Variants in SLC25A13 observed in about 807,000 individuals in gnomAD.
SLC25A13 encodes the protein electrogenic aspartate/glutamate antiporter SLC25A13, mitochondrial.
SLC25A13 carries 70 observed loss-of-function variants against 85.5 expected under a neutral mutation model. The ratio of observed to expected loss-of-function variants is 0.82; its 90% confidence interval spans 0.68 to 1.00. The LOEUF (loss-of-function observed/expected upper bound fraction) is 1.00. Among genes scored for constraint, SLC25A13 ranks in the 50% least tolerant of loss-of-function variants. SLC25A13 has a pLI of 0.00. For missense variants in SLC25A13, 765 were observed against 819.8 expected, an observed-to-expected ratio of 0.93 and a Z score of 0.82; for synonymous variants, 259 against 288.7, an observed-to-expected ratio of 0.90 and a Z score of 1.04.
At chr7:96,290,993 A>G (rs999421738) in intron 2 of SLC25A13, among the ~76,000 whole-genome samples, 7 of 152,212 alleles carry the variant, frequency 4.6e-5, no homozygotes, top group African/African-American at 1.7e-4. Context: ...TCAGCACCAC[A>G]TGGCACTTAT....
intron 4 of SLC25A13, among the ~76,000 whole-genome samples, chr7:96,227,576 T>C (rs1261649009): frequency 2.0e-5 from 3 of 152,176 alleles, no homozygotes; most frequent in African/African-American, 4.8e-5. Flanking sequence ...GCGGAGAATA[T>C]ACAATAATGT....
chr7:96,301,828 ATGTT>A (rs1799559311), intron 1 of SLC25A13, among the ~76,000 whole-genome samples: 1 of 152,004 alleles, frequency 6.6e-6, no homozygotes, highest in Non-Finnish European at 1.5e-5. Flanking sequence ...CAGTCTCACT[ATGTT>A]GCTCAAGCTA....
chr7:96,168,126 A>AAAAAAAAAAAAAAAAAAAAAAAAC, intron 13 of SLC25A13, among the ~76,000 whole-genome samples: 1 of 145,364 alleles, frequency 6.9e-6, no homozygotes. Context: ...AAAAAAAAAA[A>AAAAAAAAAAAAAAAAAAAAAAAAC]AAAGCACGTG....
chr7:96,308,956 T>C (rs757921194), intron 1 of SLC25A13, among the ~76,000 whole-genome samples: 16 of 152,182 alleles, frequency 1.1e-4, no homozygotes, highest in Non-Finnish European at 2.1e-4. Context: ...GAAATCTTCA[T>C]GAACCACCAT....
chr7:96,193,210 A>T, intron 5 of SLC25A13, 27 bp from the exon 6 acceptor site: 1 of 1,611,462 alleles, frequency 6.2e-7, no homozygotes, highest in South Asian at 1.1e-5. Flanking sequence ...TAAAATACTT[A>T]ATTTATGCTT....
At chr7:96,212,136 C>T (rs557072148) in intron 4 of SLC25A13, among the ~76,000 whole-genome samples, 1 of 152,314 alleles carries the variant, frequency 6.6e-6, no homozygotes, top group Admixed American at 6.5e-5. Flanking sequence ...CTGCACAACT[C>T]TAGTGGATGG....
At chr7:96,208,565 G>A (rs1035583481) in intron 5 of SLC25A13, among the ~76,000 whole-genome samples, 3 of 150,774 alleles carry the variant, frequency 2.0e-5, no homozygotes, top group Admixed American at 2.0e-4. Flanking sequence ...GACTGCAGTG[G>A]TGCGATCTCA....
chr7:96,232,571 C>A, intron 4 of SLC25A13, among the ~76,000 whole-genome samples: 2 of 145,466 alleles, frequency 1.4e-5, no homozygotes, highest in Admixed American at 1.4e-4. Context: ...AGTAAACCTG[C>A]ACATGTACCC....
At chr7:96,253,670 A>T (rs1797520142) in intron 3 of SLC25A13, among the ~76,000 whole-genome samples, 1 of 152,188 alleles carries the variant, frequency 6.6e-6, no homozygotes, top group Admixed American at 6.5e-5. Flanking sequence ...TGGACAGGGA[A>T]GCAGACAGCA....
At position 96,121,682 on chromosome 7, in the gene SLC25A13, C is replaced by T. The variant is rs548194276; in HGVS notation, c.1814G>A (p.Arg605Gln). 3.7e-5 allele frequency: 59 copies of T among 1,614,122 alleles called. 1 individual carries two copies. In the East Asian group the frequency reaches 6.5e-4, roughly 18 times the overall value. Residue 605 changes from arginine (R) to glutamine (Q), a missense_variant, in exon 17 of 18, where the codon CGA becomes CAA. By Grantham distance (43) the Arg-to-Gln change is conservative. Transcript: ENST00000265631. ...VTLLTYELLQ[R>Q]WFYIDFGGVK... Reference sequence around the variant, plus strand: ...TCCTCCAAAATCAATGTAGAACCATCGCTGTAGCAATTCGTAAGTCAGCAA... The same window carrying T: ...TCCTCCAAAATCAATGTAGAACCATTGCTGTAGCAATTCGTAAGTCAGCAA...
At chr7:96,215,790 A>T (rs1795876013) in intron 4 of SLC25A13, among the ~76,000 whole-genome samples, 1 of 152,148 alleles carries the variant, frequency 6.6e-6, no homozygotes, top group Admixed American at 6.5e-5. Context: ...CAAAACTACA[A>T]GCAACAGAAA....
At chr7:96,148,551 C>T (rs371793754) in intron 13 of SLC25A13, among the ~76,000 whole-genome samples, 4 of 152,230 alleles carry the variant, frequency 2.6e-5, no homozygotes, top group Admixed American at 1.3e-4. Context: ...TGAACCAGAA[C>T]TCTTCATACG....
intron 15 of SLC25A13, among the ~76,000 whole-genome samples, chr7:96,123,182 T>G (rs1233237238): frequency 6.6e-6 from 1 of 152,220 alleles, no homozygotes; most frequent in Non-Finnish European, 1.5e-5. Context: ...AAAAGCTCAC[T>G]TTATATCCAG....
intron 5 of SLC25A13, 121 bp downstream of exon 5, chr7:96,208,717 G>GGA (rs1303540356): frequency 8.9e-7 from 1 of 1,122,760 alleles, no homozygotes; most frequent in African/African-American, 1.5e-5. Flanking sequence ...ATGTTGGCCA[G>GGA]GATGGTCTCG....
Position 96,210,697 on chromosome 7 carries a change from G to A in SLC25A13, c.329-1720C>T, listed in dbSNP as rs543690629. On this transcript the variant is annotated intron_variant, in intron 4 of 17. Coordinates refer to ENST00000265631, the MANE Select transcript of SLC25A13 (RefSeq NM_014251.3). ...CAGGCCCAATAAAGTTTTAATAAAG[G>A]CTCCCATAACCTTCTAATCTAGATG... 6.6e-5 allele frequency among the ~76,000 whole-genome samples: 10 copies of A among 152,062 alleles called. No individual in the cohort carries two copies. In the South Asian group the frequency reaches 1.9e-3, roughly 28 times the overall value.
rs759288496 is a variant in SLC25A13 at position 96,277,335 on chromosome 7, C to T, written c.73G>A (p.Ala25Thr). 10 of 1,611,394 alleles carry T rather than the reference C, an allele frequency of 6.2e-6. No individual in the cohort carries two copies. Among genetic ancestry groups the T allele is most frequent in the South Asian group, 3.3e-5 (3 of 90,774 alleles). Reference protein sequence around the residue: ...AELRTIFLKYASIEKNGEFFM... With the variant: ...AELRTIFLKYTSIEKNGEFFM... ...AATTCACCGTTTTTCTCAATGCTTG[C>T]ATACTGTTTAAAAAAAAGAAAAACA... Residue 25 changes from alanine (A) to threonine (T), a missense_variant, in exon 3 of 18, where the codon GCA (alanine) becomes ACA (threonine). Ala to Thr is a moderately conservative substitution (Grantham distance 58). Coordinates refer to ENST00000265631, the MANE Select transcript of SLC25A13 (RefSeq NM_014251.3).
intron 1 of SLC25A13, among the ~76,000 whole-genome samples, chr7:96,311,371 CA>C (rs1050075246): frequency 6.6e-6 from 1 of 151,828 alleles, no homozygotes; most frequent in African/African-American, 2.4e-5. Context: ...TAGCCAAAAC[CA>C]AAAAAGACTC....
Position 96,208,994 on chromosome 7 carries a change from C to A in SLC25A13, c.329-17G>T. 1 of 1,613,278 alleles carries A rather than the reference C, an allele frequency of 6.2e-7. No homozygotes were observed. Among genetic ancestry groups the A allele is most frequent in the South Asian group, 1.1e-5 (1 of 91,052 alleles). On this transcript the variant is annotated splice_polypyrimidine_tract_variant and intron_variant, in intron 4 of 17. Coordinates refer to ENST00000265631, the MANE Select transcript of SLC25A13 (RefSeq NM_014251.3). ...TAACATCCTCTGAAAAGAGAAAAGACAGGTTGATTAAAACAAAGTAAATGA... is the reference window on the plus strand; with the variant it reads ...TAACATCCTCTGAAAAGAGAAAAGAAAGGTTGATTAAAACAAAGTAAATGA...
At position 96,255,833 on chromosome 7, in the gene SLC25A13, G is replaced by A. The variant is rs563180639; in HGVS notation, c.213-20916C>T. Reference sequence around the variant, plus strand: ...AAGAAGGGCTCCAGAAAGAAAGGTCGGATTACCCACAAAGGGAAGCCCATC... The same window carrying A: ...AAGAAGGGCTCCAGAAAGAAAGGTCAGATTACCCACAAAGGGAAGCCCATC... On this transcript the variant is annotated intron_variant, in intron 3 of 17. Coordinates refer to ENST00000265631, the MANE Select transcript of SLC25A13 (RefSeq NM_014251.3). Among the ~76,000 whole-genome samples, 12 of 152,216 alleles carry A rather than the reference G, an allele frequency of 7.9e-5. No individual in the cohort carries two copies. The South Asian group carries it at 8.3e-4, about 11-fold the overall frequency.
Sources: gnomAD v4.1 joint callset for allele counts (sites outside exome capture counted in the v4.1 genomes callset) on GRCh38, gnomAD v4.1.1 for gene constraint, MANE v1.5 for transcripts, NCBI Gene and HGNC (gene_info 2026-07-23, HGNC 2026-07-21) for gene names.